Variants in KANSL1 observed in about 807,000 individuals in gnomAD.
The protein encoded by KANSL1 is MLL1/MLL complex subunit KANSL1.
Under a neutral mutation model 103.6 loss-of-function variants are expected in KANSL1, and 22 were observed. That is an observed-to-expected ratio of 0.21 (90% CI 0.15 to 0.30). The LOEUF (loss-of-function observed/expected upper bound fraction) is 0.30. Ranked by LOEUF, KANSL1 falls within the 10% of genes least tolerant of loss-of-function variation. The pLI is 1.00. For synonymous variants in KANSL1, 600 were observed against 527.6 expected, an observed-to-expected ratio of 1.14 and a Z score of -1.88; for missense variants, 1,337 against 1,399.8, an observed-to-expected ratio of 0.96 and a Z score of 0.72.
upstream of KANSL1, among the ~76,000 whole-genome samples, chr17:46,197,504 A>G (rs1436064810): frequency 6.6e-6 from 1 of 152,158 alleles, no homozygotes; most frequent in Non-Finnish European, 1.5e-5. Flanking sequence ...GTAGCCAAGC[A>G]TGGTGGTGCA....
intron 7 of KANSL1, chr17:46,045,607 G>A (rs183404677): frequency 6.6e-6 from 1 of 152,170 alleles, no homozygotes; most frequent in Admixed American, 6.5e-5. Flanking sequence ...AGAAAAGGGG[G>A]AGTGTTCCCT....
At chr17:46,046,162 C>T (rs1402180778) in intron 7 of KANSL1, 1 of 152,140 alleles carries the variant, frequency 6.6e-6, no homozygotes, top group Non-Finnish European at 1.5e-5. Context: ...GCATTCAAAC[C>T]CATTAGCCAT....
intron 1 of KANSL1, chr17:46,214,968 ATTTC>A (rs1681137420): frequency 6.6e-6 from 1 of 152,272 alleles, no homozygotes; most frequent in Non-Finnish European, 1.5e-5. Context: ...GGTCATTTGT[ATTTC>A]TTTATGAACT....
chr17:46,152,426 G>C (rs1172606231), intron 2 of KANSL1, among the ~76,000 whole-genome samples: 1 of 152,194 alleles, frequency 6.6e-6, no homozygotes, highest in African/African-American at 2.4e-5. Context: ...AGACGAATCA[G>C]CTATATTACA....
chr17:46,049,240 CTTTT>C (rs34418861), intron 7 of KANSL1, among the ~76,000 whole-genome samples: 6 of 75,766 alleles, frequency 7.9e-5, no homozygotes, highest in African/African-American at 2.7e-4. Flanking sequence ...CATCCAAGAC[CTTTT>C]TTTTTTTTTT....
At chr17:46,095,941 T>C (rs2042042536) in intron 2 of KANSL1, among the ~76,000 whole-genome samples, 1 of 152,140 alleles carries the variant, frequency 6.6e-6, no homozygotes, top group African/African-American at 2.4e-5. Flanking sequence ...AAATATTAGG[T>C]AAAACATTAA....
At chr17:46,182,498 A>G (rs1159691656) in intron 1 of KANSL1, among the ~76,000 whole-genome samples, 1 of 152,242 alleles carries the variant, frequency 6.6e-6, no homozygotes, top group Non-Finnish European at 1.5e-5. Flanking sequence ...ACAAAGAGAT[A>G]ATGTGTGTCA....
intron 6 of KANSL1, among the ~76,000 whole-genome samples, chr17:46,062,131 A>C (rs1427074425): frequency 2.9e-5 from 4 of 140,050 alleles, no homozygotes; most frequent in African/African-American, 7.4e-5. Context: ...AAAAAAAAAA[A>C]AAACATGTTA....
At chr17:46,086,456 G>T (rs778946575) in intron 3 of KANSL1, among the ~76,000 whole-genome samples, 6 of 152,148 alleles carry the variant, frequency 3.9e-5, no homozygotes, top group Non-Finnish European at 8.8e-5. Flanking sequence ...TCATTTATCC[G>T]CTCATCAGCA....
At chr17:46,074,036 C>T (rs1481641262) in intron 4 of KANSL1, among the ~76,000 whole-genome samples, 1 of 152,034 alleles carries the variant, frequency 6.6e-6, no homozygotes, top group Non-Finnish European at 1.5e-5. Flanking sequence ...CATATGTTTC[C>T]TTGCTTTGCC....
chr17:46,113,576 CAAAG>C (rs1008992141), intron 2 of KANSL1, among the ~76,000 whole-genome samples: 1 of 151,620 alleles, frequency 6.6e-6, no homozygotes, highest in African/African-American at 2.4e-5. Flanking sequence ...AGATCATGCT[CAAAG>C]AAAGTCATTC....
At chr17:46,043,638 G>A (rs942276070) in intron 7 of KANSL1, 8 of 152,118 alleles carry the variant, frequency 5.3e-5, no homozygotes, top group Non-Finnish European at 2.9e-5. Flanking sequence ...ATTTGAATAG[G>A]CACAAGAAAG....
At chr17:46,199,763 T>C (rs1377502089) in intron 1 of KANSL1, among the ~76,000 whole-genome samples, 2 of 152,256 alleles carry the variant, frequency 1.3e-5, no homozygotes, top group Admixed American at 6.5e-5. Context: ...ACAATACTGT[T>C]GTAGGTTAAA....
In KANSL1 at chr17:46,108,596, C is replaced by T. The variant is rs182554999; in HGVS notation, c.1290-13895G>A. On this transcript the variant is annotated intron_variant, in intron 2 of 14. Coordinates refer to ENST00000432791, the MANE Select transcript of KANSL1 (RefSeq NM_015443.4). Reference sequence around the variant, plus strand: ...ATTTTTGTCTTGTTCACCATAATATCTCTGGGTGCTTGGAACAATGCCTAG... The same window carrying T: ...ATTTTTGTCTTGTTCACCATAATATTTCTGGGTGCTTGGAACAATGCCTAG... Among the ~76,000 whole-genome samples, 3 of 152,298 alleles carry T rather than the reference C, an allele frequency of 2.0e-5. No individual in the cohort carries two copies. The East Asian group carries it at 5.8e-4, about 29-fold the overall frequency.
At position 46,105,897 on chromosome 17, in the gene KANSL1, CAAGGCCTTG is replaced by C. The variant is rs1344803064; in HGVS notation, c.1290-11205_1290-11197del. On this transcript the variant is annotated intron_variant, in intron 2 of 14. Coordinates refer to ENST00000432791, the MANE Select transcript of KANSL1 (RefSeq NM_015443.4). Reference sequence around the variant, plus strand: ...CACACACACACACACACACACAGAGCAAGGCCTTGACACACACACACACACACACACACA... The same window carrying C: ...CACACACACACACACACACACAGAGCACACACACACACACACACACACACA... Among the ~76,000 whole-genome samples, 52 of 103,688 alleles carry C rather than the reference CAAGGCCTTG, an allele frequency of 5.0e-4. 1 individual carries two copies. Among genetic ancestry groups the C allele is most frequent in the Non-Finnish European group, 6.8e-4 (33 of 48,550 alleles). 68.0% of individuals were successfully genotyped at this position (103,688 alleles called of 152,430 possible).
intron 3 of KANSL1, among the ~76,000 whole-genome samples, chr17:46,087,402 A>G (rs1055407439): frequency 1.3e-4 from 20 of 152,174 alleles, no homozygotes; most frequent in Non-Finnish European, 2.6e-4. Flanking sequence ...GAAAACAGCT[A>G]AAAAGAGGCT....
intron 3 of KANSL1, among the ~76,000 whole-genome samples, chr17:46,085,345 CCGGGTT>C: frequency 6.6e-6 from 1 of 152,118 alleles, no homozygotes; most frequent in South Asian, 2.1e-4. Context: ...AGAAAATGTC[CCGGGTT>C]AATGAGTTCC....
chr17:46,138,097 AC>A (rs529838877), intron 2 of KANSL1, among the ~76,000 whole-genome samples: 56 of 152,040 alleles, frequency 3.7e-4, no homozygotes, highest in Non-Finnish European at 7.6e-4. Flanking sequence ...TCCTGCCTTG[AC>A]TCCTGATCTC....
At chr17:46,150,027 T>C (rs2696579) in intron 2 of KANSL1, among the ~76,000 whole-genome samples, 2 of 65,722 alleles carry the variant, frequency 3.0e-5, no homozygotes, top group Non-Finnish European at 5.6e-5. Context: ...ATCTCAAAAA[T>C]AAATAAATAA....
Sources: allele counts gnomAD v4.1 joint callset (sites outside exome capture counted in the v4.1 genomes callset), GRCh38; gene constraint gnomAD v4.1.1; transcripts MANE v1.5; gene names NCBI Gene and HGNC (gene_info 2026-07-23, HGNC 2026-07-21).